Variants in MTUS2 observed in about 807,000 individuals in gnomAD.
MTUS2 encodes microtubule-associated tumor suppressor candidate 2.
MTUS2 carries 40 observed loss-of-function variants against 114.1 expected under a neutral mutation model. The ratio of observed to expected loss-of-function variants is 0.35; its 90% CI spans 0.27 to 0.46. MTUS2 has a LOEUF of 0.46. Among genes scored for constraint, MTUS2 ranks in the 20% least tolerant of loss-of-function variants. The pLI is 1.00. For missense variants in MTUS2, 1,679 were observed against 1,705.4 expected (o/e 0.98, Z 0.27); for synonymous variants, 688 against 672.0 (o/e 1.02, Z -0.37).
At chr13:29,197,444 A>G (rs1199774247) in intron 5 of MTUS2, among the ~76,000 whole-genome samples, 2 of 152,176 alleles carry the variant, frequency 1.3e-5, no homozygotes, top group African/African-American at 4.8e-5. Context: ...TATATGTGCC[A>G]CATTTTCTTT....
chr13:29,471,559 G>A (rs182823671), intron 9 of MTUS2, among the ~76,000 whole-genome samples: 10 of 152,194 alleles, frequency 6.6e-5, no homozygotes, highest in Admixed American at 4.6e-4. Flanking sequence ...CCACTGCTGC[G>A]GGAGACAGAC....
At chr13:28,992,210 A>C (rs902113737) in intron 2 of MTUS2, among the ~76,000 whole-genome samples, 2 of 152,080 alleles carry the variant, frequency 1.3e-5, no homozygotes, top group East Asian at 1.9e-4. Flanking sequence ...CTTAGCAGCA[A>C]CTCCTCCTCT....
chr13:28,880,017 A>G (rs1460647957), intron 2 of MTUS2, among the ~76,000 whole-genome samples: 1 of 152,218 alleles, frequency 6.6e-6, no homozygotes, highest in Non-Finnish European at 1.5e-5. Flanking sequence ...AGAGAAGACA[A>G]GAGATTCAGC....
In MTUS2 at chr13:28,965,260, A is replaced by C. The variant is rs933923131; in HGVS notation, c.-242-59197A>C. Among the ~76,000 whole-genome samples, 5 of 152,254 alleles carry C rather than the reference A, an allele frequency of 3.3e-5. No homozygotes were observed. The South Asian group carries it at 1.0e-3, about 32-fold the overall frequency. The stretch of plus-strand genomic sequence containing the variant: ...TGGTAGCAGGTGCCCCATTCAACAC[A>C]AGGGGAAACTGCGTGGAAACAAGTG... On this transcript the variant is annotated intron_variant, in intron 2 of 15. Coordinates refer to ENST00000612955, the MANE Select transcript of MTUS2 (RefSeq NM_001033602.4).
intron 4 of MTUS2, among the ~76,000 whole-genome samples, chr13:29,069,090 G>C (rs186174765): frequency 1.1e-3 from 163 of 152,200 alleles, no homozygotes; most frequent in African/African-American, 3.7e-3. Context: ...AGAAGTAGAT[G>C]GGTTTAAGGA....
At chr13:29,399,068 C>A (rs888133775) in intron 8 of MTUS2, among the ~76,000 whole-genome samples, 1 of 152,090 alleles carries the variant, frequency 6.6e-6, no homozygotes, top group African/African-American at 2.4e-5. Flanking sequence ...AGAGCAGCCC[C>A]GAGGGCTGCT....
chr13:29,477,460 G>A (rs1323346845), intron 9 of MTUS2, among the ~76,000 whole-genome samples: 1 of 152,034 alleles, frequency 6.6e-6, no homozygotes, highest in Non-Finnish European at 1.5e-5. Context: ...AGAACTCCTG[G>A]GAACAGGCAT....
chr13:28,934,334 A>G (rs1881778097), intron 2 of MTUS2, among the ~76,000 whole-genome samples: 1 of 152,034 alleles, frequency 6.6e-6, no homozygotes, highest in East Asian at 1.9e-4. Flanking sequence ...GTTCCAGTTA[A>G]TACTTCTAGA....
At chr13:29,019,041 G>A (rs1886184122) in intron 2 of MTUS2, among the ~76,000 whole-genome samples, 1 of 152,078 alleles carries the variant, frequency 6.6e-6, no homozygotes, top group Non-Finnish European at 1.5e-5. Context: ...CACAACTGTA[G>A]GTTACTGTGT....
At chr13:28,948,955 G>C (rs913543546) in intron 2 of MTUS2, among the ~76,000 whole-genome samples, 1 of 152,138 alleles carries the variant, frequency 6.6e-6, no homozygotes, top group Non-Finnish European at 1.5e-5. Context: ...CTACCAATTT[G>C]TAAATCTCAG....
intron 4 of MTUS2, among the ~76,000 whole-genome samples, chr13:29,075,182 G>A (rs1889132920): frequency 6.6e-6 from 1 of 152,154 alleles, no homozygotes; most frequent in Non-Finnish European, 1.5e-5. Flanking sequence ...CCATATATCA[G>A]CATTTCATTC....
chr13:29,045,150 A>G (rs1193627762), intron 4 of MTUS2, among the ~76,000 whole-genome samples: 3 of 152,202 alleles, frequency 2.0e-5, no homozygotes, highest in African/African-American at 7.2e-5. Context: ...GTAATATAAG[A>G]TAGTCATGAG....
Position 28,891,137 on chromosome 13 carries a change from G to T in MTUS2, c.-243+51287G>T, listed in dbSNP as rs547842280. Among the ~76,000 whole-genome samples the T allele has an allele frequency of 2.0e-5, 3 of 152,326 alleles. No individual in the cohort carries two copies. The East Asian group carries it at 5.8e-4, about 29-fold the overall frequency. The stretch of plus-strand genomic sequence containing the variant: ...CTATGGGAGAAGAGATTTGTCTGAG[G>T]ACATGTGGGATACGTTTTGCTTGTA... On this transcript the variant is annotated intron_variant, in intron 2 of 15. Coordinates refer to ENST00000612955, the MANE Select transcript of MTUS2 (RefSeq NM_001033602.4).
intron 2 of MTUS2, among the ~76,000 whole-genome samples, chr13:28,897,892 GC>G (rs1382056832): frequency 2.7e-5 from 4 of 146,252 alleles, no homozygotes; most frequent in Non-Finnish European, 6.0e-5. Context: ...ACCCACTGGG[GC>G]CTGTTGTGAG....
chr13:29,191,433 C>T (rs1267255062), intron 5 of MTUS2, among the ~76,000 whole-genome samples: 2 of 152,130 alleles, frequency 1.3e-5, no homozygotes, highest in African/African-American at 2.4e-5. Flanking sequence ...GACCCCAGAG[C>T]TTGTCTCCCT....
chr13:29,390,662 A>G (rs1199808907), intron 8 of MTUS2, among the ~76,000 whole-genome samples: 2 of 150,852 alleles, frequency 1.3e-5, no homozygotes, highest in Non-Finnish European at 2.9e-5. Context: ...AAAAAAAAAA[A>G]AAAGAAAGAA....
At chr13:29,451,534 A>G (rs1302702409) in intron 9 of MTUS2, among the ~76,000 whole-genome samples, 1 of 152,048 alleles carries the variant, frequency 6.6e-6, no homozygotes, top group Admixed American at 6.5e-5. Flanking sequence ...TGGTGAGGTG[A>G]GGAGTATTAT....
Position 28,838,548 on chromosome 13 carries a change from G to C in MTUS2, c.-315-1230G>C, listed in dbSNP as rs1372477114. ...CATGCCTGTCCTGAGCTAGTGGGCA[G>C]CTCTTCCCCACGCTTCCCTCTGCAT... On this transcript the variant is annotated intron_variant, in intron 1 of 15. Transcript: ENST00000612955. Among the ~76,000 whole-genome samples, 7 of 152,322 alleles carry C rather than the reference G, an allele frequency of 4.6e-5. No homozygotes were observed. In the East Asian group the frequency reaches 1.4e-3, roughly 29 times the overall value.
intron 5 of MTUS2, among the ~76,000 whole-genome samples, chr13:29,117,769 C>T (rs1055145611): frequency 6.6e-6 from 1 of 152,174 alleles, no homozygotes; most frequent in Admixed American, 6.5e-5. Context: ...CTGCCAACAC[C>T]CATTTACGCT....
Sources: allele counts gnomAD v4.1 joint callset (sites outside exome capture counted in the v4.1 genomes callset), GRCh38; gene constraint gnomAD v4.1.1; transcripts MANE v1.5; gene names NCBI Gene and HGNC (gene_info 2026-07-23, HGNC 2026-07-21).